The following PPP1R36 variants were observed in gnomAD, a reference collection of about 807,000 sequenced individuals.
The protein encoded by PPP1R36 is chromosome 14 open reading frame 50.
In PPP1R36, 47 loss-of-function variants were observed where a neutral mutation model predicts 53.4. The observed-to-expected ratio is 0.88, with a 90% confidence interval of 0.70 to 1.12. The LOEUF (loss-of-function observed/expected upper bound fraction) is 1.12. Among genes scored for constraint, PPP1R36 ranks in the 50% most tolerant of loss-of-function variants. The pLI, the probability that PPP1R36 is intolerant of heterozygous loss-of-function variation, is 0.00. For missense variants in PPP1R36, 456 were observed against 513.9 expected (o/e 0.89, Z 1.09); for synonymous variants, 153 against 170.5 (o/e 0.90, Z 0.80).
At position 64,565,412 on chromosome 14, in the gene PPP1R36, A is replaced by G. The variant is rs115391694; in HGVS notation, c.325A>G (p.Lys109Glu). The change falls in exon 5 of 12, where the codon AAA becomes GAA. Residue 109 changes from lysine (K) to glutamate (E), a missense_variant. Coordinates refer to ENST00000298705, the MANE Select transcript of PPP1R36 (RefSeq NM_172365.3). ...TGATAAGTCAGCTAAAGCTGTAGAG[A>G]AACGAGGTCAACAGGGCACCATTAC... is the stretch of plus-strand genomic sequence containing the variant. ...KDDKSAKAVE[K>E]RGQQGTITLD... 3.1e-4 allele frequency: 493 copies of G among 1,613,688 alleles called. 2 individuals carry two copies. In the African/African-American group the frequency reaches 5.9e-3, roughly 19 times the overall value.
intron 6 of PPP1R36, 103 bp downstream of exon 6, chr14:64,565,795 G>A (rs1032854440): frequency 1.2e-5 from 11 of 894,138 alleles, no homozygotes; most frequent in Non-Finnish European, 2.0e-5. Context: ...AAGAGCGTGA[G>A]GCTGGCTCTA....
At chr14:64,559,236 A>G (rs2080184238) in intron 3 of PPP1R36, 1 of 152,252 alleles carries the variant, frequency 6.6e-6, no homozygotes, top group Non-Finnish European at 1.5e-5. Context: ...AGGGATATCC[A>G]TGCTGCCCTG....
At chr14:64,578,703 T>G (rs1481922071) in intron 8 of PPP1R36, among the ~76,000 whole-genome samples, 1 of 152,204 alleles carries the variant, frequency 6.6e-6, no homozygotes, top group Non-Finnish European at 1.5e-5. Context: ...GTATGGTGAT[T>G]CCTCAAAGAG....
intron 6 of PPP1R36, 93 bp downstream of exon 6, chr14:64,565,785 A>G (rs557185900): frequency 3.0e-6 from 3 of 986,288 alleles, no homozygotes; most frequent in South Asian, 1.4e-5. Flanking sequence ...TTTTTAGAGG[A>G]AGAGCGTGAG....
Position 64,565,615 on chromosome 14 carries a change from T to C in PPP1R36, c.368-11T>C, listed in dbSNP as rs1303219053. 1 of 1,611,834 alleles carries C rather than the reference T, an allele frequency of 6.2e-7. No homozygotes were observed. The highest frequency in any genetic ancestry group is 1.1e-5 in the South Asian group (1 of 91,002). ...TTGTCCCTCTCTCAATTGTTCATTT[T>C]CTCTTTTCAGTTGTTACTTTGCTTT... is the stretch of plus-strand genomic sequence containing the variant. On this transcript the variant is annotated splice_polypyrimidine_tract_variant and intron_variant, in intron 5 of 11. Coordinates refer to ENST00000298705, the MANE Select transcript of PPP1R36 (RefSeq NM_172365.3).
At chr14:64,561,144 C>G (rs2080202530) in intron 3 of PPP1R36, among the ~76,000 whole-genome samples, 1 of 152,186 alleles carries the variant, frequency 6.6e-6, no homozygotes, top group Non-Finnish European at 1.5e-5. Flanking sequence ...CCTGAAAGTT[C>G]TGAGGTTTCA....
intron 8 of PPP1R36, among the ~76,000 whole-genome samples, chr14:64,581,302 C>T (rs1256872355): frequency 1.3e-5 from 2 of 152,172 alleles, no homozygotes; most frequent in Non-Finnish European, 2.9e-5. Flanking sequence ...GGCTCATGTA[C>T]ATGACTTCTA....
chr14:64,589,034 C>T, intron 11 of PPP1R36, 118 bp from the exon 12 acceptor site: 1 of 670,310 alleles, frequency 1.5e-6, no homozygotes, highest in Non-Finnish European at 2.5e-6. Context: ...AAGAGTATAT[C>T]TTAGCTTTAG....
At chr14:64,556,065 T>C (rs10151970) in intron 3 of PPP1R36, among the ~76,000 whole-genome samples, 53,594 of 151,428 alleles carry the variant, frequency 0.35, 10,077 homozygotes, top group African/African-American at 0.48. Flanking sequence ...TTCAACATAC[T>C]GGTTACATTT....
intron 3 of PPP1R36, among the ~76,000 whole-genome samples, chr14:64,564,383 G>C (rs1171175977): frequency 6.6e-6 from 1 of 152,186 alleles, no homozygotes; most frequent in Non-Finnish European, 1.5e-5. Context: ...TTTTGTGTTA[G>C]AGTTTCCATG....
intron 8 of PPP1R36, among the ~76,000 whole-genome samples, chr14:64,580,170 G>T (rs541243265): frequency 6.6e-6 from 1 of 152,174 alleles, no homozygotes; most frequent in South Asian, 2.1e-4. Flanking sequence ...GCATGGTGGT[G>T]CATGCCTGTA....
At chr14:64,572,352 A>T (rs2080309882) in intron 7 of PPP1R36, among the ~76,000 whole-genome samples, 1 of 152,202 alleles carries the variant, frequency 6.6e-6, no homozygotes, top group Non-Finnish European at 1.5e-5. Context: ...AATGTGCTTT[A>T]AAAGTGAACC....
Position 64,588,148 on chromosome 14 carries a change from T to C in PPP1R36, c.935T>C (p.Met312Thr). 1 of 1,611,318 alleles carries C rather than the reference T, an allele frequency of 6.2e-7. No individual in the cohort carries two copies. Among genetic ancestry groups the C allele is most frequent in the South Asian group, 1.1e-5 (1 of 90,734 alleles). The change falls in exon 11 of 12, where the codon ATG (methionine) becomes ACG (threonine). Residue 312 changes from methionine to threonine, a missense_variant. Coordinates refer to ENST00000298705, the MANE Select transcript of PPP1R36 (RefSeq NM_172365.3). ...KRPAIKKAIN[M>T]RSPVMSTLLP... ...CCAGCAATTAAAAAAGCTATCAACA[T>C]GCGTTCTCCAGTCATGTCTACTCTG...
chr14:64,588,554 G>GTT (rs1463738414), intron 11 of PPP1R36: 2 of 235,682 alleles, frequency 8.5e-6, no homozygotes, highest in Non-Finnish European at 1.5e-5. Flanking sequence ...GTGAGTAACT[G>GTT]ATTTTTTTTT....
intron 3 of PPP1R36, among the ~76,000 whole-genome samples, chr14:64,555,534 C>T (rs957889295): frequency 2.0e-5 from 3 of 152,174 alleles, no homozygotes; most frequent in Admixed American, 6.5e-5. Flanking sequence ...TGGCAGTGAG[C>T]TACACTTTTC....
chr14:64,588,253 T>C lies in PPP1R36; in HGVS notation c.1040T>C (p.Met347Thr), dbSNP rs144244693. 71 of 1,613,852 alleles carry C rather than the reference T, an allele frequency of 4.4e-5. 1 individual carries two copies. In the African/African-American group the frequency reaches 6.3e-4, roughly 14 times the overall value. The part of the protein sequence containing the change: ...HQVDVRFPAE[M>T]QKHVGTLDSV... ...GTAGACGTCAGATTCCCAGCCGAGATGCAAAAGCATGTGGGAACTCTGGAC... is the reference window on the plus strand; with the variant it reads ...GTAGACGTCAGATTCCCAGCCGAGACGCAAAAGCATGTGGGAACTCTGGAC... The change falls in exon 11 of 12, where the codon ATG becomes ACG. Residue 347 changes from methionine (M) to threonine (T), a missense_variant. Met to Thr is a moderately conservative substitution (Grantham distance 81). Coordinates refer to ENST00000298705, the MANE Select transcript of PPP1R36 (RefSeq NM_172365.3).
chr14:64,564,178 C>T (rs180912827), intron 3 of PPP1R36, among the ~76,000 whole-genome samples: 27 of 152,268 alleles, frequency 1.8e-4, no homozygotes, highest in Non-Finnish European at 3.4e-4. Context: ...ATGGCTGAGG[C>T]CTTTAGAAGA....
intron 2 of PPP1R36, among the ~76,000 whole-genome samples, chr14:64,552,334 C>T (rs890656388): frequency 6.6e-6 from 1 of 151,914 alleles, no homozygotes; most frequent in Non-Finnish European, 1.5e-5. Context: ...AATAAAAATA[C>T]AAAAATTAGC....
At position 64,574,575 on chromosome 14, in the gene PPP1R36, C is replaced by T; in HGVS notation, c.654C>T (p.His218=). ...VLGLAVPDKH[H]MCCGKEKISD... ...GCTTGGCCGTGCCGGATAAGCATCA[C>T]ATGTGCTGTGGAAAGTAAGCAGATA... The change falls in exon 8 of 12, where the codon CAC becomes CAT. Residue 218 remains histidine, a synonymous_variant. Transcript: ENST00000298705. The T allele has an allele frequency of 6.2e-7, 1 of 1,612,890 alleles. No homozygotes were observed. The highest frequency in any genetic ancestry group is 8.5e-7 in the Non-Finnish European group (1 of 1,179,590).
Sources: gnomAD v4.1 joint callset for allele counts (sites outside exome capture counted in the v4.1 genomes callset) on GRCh38, gnomAD v4.1.1 for gene constraint, MANE v1.5 for transcripts, NCBI Gene and HGNC (gene_info 2026-07-23, HGNC 2026-07-21) for gene names.